Variants in VTI1A observed in about 807,000 individuals in gnomAD.
The protein encoded by VTI1A is vesicle transport through interaction with t-SNAREs homolog 1A.
VTI1A carries 22 observed loss-of-function variants against 34.9 expected under a neutral mutation model. That is an observed-to-expected ratio of 0.63 (90% confidence interval 0.45 to 0.90). The LOEUF is 0.90. Among genes scored for constraint, VTI1A ranks in the 40% least tolerant of loss-of-function variants. The probability of loss-of-function intolerance (pLI) is 0.00; values close to 1 mark genes in which losing one functional copy is unlikely to be tolerated. For synonymous variants in VTI1A, 87 were observed against 97.3 expected, an observed-to-expected ratio of 0.89 and a Z score of 0.62; for missense variants, 268 against 275.6, an observed-to-expected ratio of 0.97 and a Z score of 0.20.
chr10:112,704,821 T>G lies in VTI1A; in HGVS notation c.560+35823T>G, dbSNP rs546193385. ...AAAATGATGCTAGGTCCAGTAGGGA[T>G]ACAAAGATGATGGTGTTATGGATAC... On this transcript the variant is annotated intron_variant, in intron 7 of 7. Coordinates refer to ENST00000393077, the MANE Select transcript of VTI1A (RefSeq NM_145206.4). 3.3e-5 allele frequency among the ~76,000 whole-genome samples: 5 copies of G among 151,910 alleles called. No homozygotes were observed. In the South Asian group the frequency reaches 1.0e-3, roughly 31 times the overall value.
chr10:112,642,749 A>C (rs1846621453), intron 5 of VTI1A, among the ~76,000 whole-genome samples: 1 of 152,098 alleles, frequency 6.6e-6, no homozygotes, highest in Admixed American at 6.5e-5. Context: ...GACCCCAGTT[A>C]GTCATTCTTT....
intron 5 of VTI1A, among the ~76,000 whole-genome samples, chr10:112,631,140 AGC>A (rs1160249557): frequency 1.3e-5 from 2 of 152,104 alleles, no homozygotes; most frequent in African/African-American, 2.4e-5. Flanking sequence ...AAAAAAAAAA[AGC>A]AGTATGAAAA....
intron 3 of VTI1A, chr10:112,485,073 G>T (rs1848574757): frequency 6.6e-6 from 1 of 151,972 alleles, no homozygotes; most frequent in South Asian, 2.1e-4. Context: ...CTGAGGTCAG[G>T]AGTTCAAGAC....
intron 5 of VTI1A, among the ~76,000 whole-genome samples, chr10:112,595,784 C>T (rs1844610214): frequency 6.6e-6 from 1 of 151,532 alleles, no homozygotes; most frequent in South Asian, 2.1e-4. Flanking sequence ...ACTAGAAATA[C>T]CATTTGACCC....
intron 5 of VTI1A, among the ~76,000 whole-genome samples, chr10:112,652,122 A>G (rs1847049218): frequency 6.6e-6 from 1 of 152,242 alleles, no homozygotes; most frequent in Non-Finnish European, 1.5e-5. Flanking sequence ...ATCAAAGACA[A>G]TGTAAAGGGA....
At chr10:112,747,973 C>T (rs562044670) in intron 7 of VTI1A, among the ~76,000 whole-genome samples, 9 of 152,172 alleles carry the variant, frequency 5.9e-5, no homozygotes, top group Admixed American at 1.3e-4. Flanking sequence ...TAGACCAAAG[C>T]GGAGAGGAAG....
intron 5 of VTI1A, among the ~76,000 whole-genome samples, chr10:112,631,598 A>G (rs1282767779): frequency 6.6e-6 from 1 of 152,210 alleles, no homozygotes; most frequent in African/African-American, 2.4e-5. Context: ...TCAGTACTTC[A>G]TTCCTTTTTA....
At chr10:112,479,755 C>CT in intron 3 of VTI1A, among the ~76,000 whole-genome samples, 1 of 152,354 alleles carries the variant, frequency 6.6e-6, no homozygotes, top group South Asian at 2.1e-4. Flanking sequence ...ATATTATTCA[C>CT]TACCTTTCAA....
intron 7 of VTI1A, among the ~76,000 whole-genome samples, chr10:112,706,095 C>T (rs1346746901): frequency 2.0e-5 from 3 of 152,198 alleles, no homozygotes; most frequent in South Asian, 2.1e-4. Context: ...TCATCATTTT[C>T]GTAGCCAATA....
intron 3 of VTI1A, among the ~76,000 whole-genome samples, chr10:112,472,323 G>A (rs113134011): frequency 0.011 from 1,662 of 152,218 alleles, 19 homozygotes; most frequent in Non-Finnish European, 0.016. Flanking sequence ...TCAGAGAATG[G>A]CACTTCTATT....
intron 5 of VTI1A, among the ~76,000 whole-genome samples, chr10:112,570,451 T>C (rs1442914399): frequency 6.6e-6 from 1 of 152,214 alleles, no homozygotes; most frequent in Non-Finnish European, 1.5e-5. Flanking sequence ...TTTGTAATAC[T>C]TTGGATATTG....
intron 5 of VTI1A, among the ~76,000 whole-genome samples, chr10:112,627,588 A>G (rs1196149612): frequency 2.0e-5 from 3 of 152,074 alleles, no homozygotes; most frequent in Non-Finnish European, 4.4e-5. Flanking sequence ...TTTCTCCCCT[A>G]TGTATTCGTA....
At chr10:112,743,499 C>T (rs867381863) in intron 7 of VTI1A, among the ~76,000 whole-genome samples, 4 of 152,134 alleles carry the variant, frequency 2.6e-5, no homozygotes, top group African/African-American at 7.2e-5. Flanking sequence ...CCTTGCAAGT[C>T]GTCAATATCC....
chr10:112,619,528 C>T lies in VTI1A; in HGVS notation c.428-48690C>T, dbSNP rs1472265217. Among the ~76,000 whole-genome samples the T allele has an allele frequency of 3.9e-5, 6 of 152,152 alleles. 1 individual carries two copies. The highest frequency in any genetic ancestry group is 7.2e-5 in the African/African-American group (3 of 41,420). ...TGCCTCCACCTGGGAGGCCCCCAAG[C>T]GACAGGGCTGGCCTGGGGCTTCTTT... On this transcript the variant is annotated intron_variant, in intron 5 of 7. Transcript: ENST00000393077.
chr10:112,716,370 GA>G (rs1849615099), intron 7 of VTI1A, among the ~76,000 whole-genome samples: 1 of 152,160 alleles, frequency 6.6e-6, no homozygotes, highest in Non-Finnish European at 1.5e-5. Flanking sequence ...AGGTAGTGAA[GA>G]TAAAATATAA....
chr10:112,531,787 G>C (rs1384064414), intron 4 of VTI1A, among the ~76,000 whole-genome samples: 1 of 152,140 alleles, frequency 6.6e-6, no homozygotes, highest in Non-Finnish European at 1.5e-5. Flanking sequence ...TCAATTCCCA[G>C]ATCGTCTCTT....
At chr10:112,628,748 A>T (rs1204616638) in intron 5 of VTI1A, among the ~76,000 whole-genome samples, 1 of 152,152 alleles carries the variant, frequency 6.6e-6, no homozygotes. Flanking sequence ...ACTATATTTT[A>T]TCTTTTAAAT....
At chr10:112,705,389 G>A (rs1264185724) in intron 7 of VTI1A, among the ~76,000 whole-genome samples, 1 of 152,034 alleles carries the variant, frequency 6.6e-6, no homozygotes, top group East Asian at 1.9e-4. Context: ...ACTGTTCTGG[G>A]AGGTCTCACT....
At chr10:112,845,162 C>T in the VTI1A span, among the ~76,000 whole-genome samples, 1 of 152,154 alleles carries the variant, frequency 6.6e-6, no homozygotes, top group Non-Finnish European at 1.5e-5. Context: ...GAATGGTGGC[C>T]CGAGTCCACC....
Sources: gnomAD v4.1 joint callset for allele counts (sites outside exome capture counted in the v4.1 genomes callset) on GRCh38, gnomAD v4.1.1 for gene constraint, MANE v1.5 for transcripts, NCBI Gene and HGNC (gene_info 2026-07-23, HGNC 2026-07-21) for gene names.